Variants in PRIM2 observed in about 807,000 individuals in gnomAD.
The protein encoded by PRIM2 is DNA primase subunit 2.
A neutral mutation model predicts 67.3 loss-of-function variants in PRIM2; 39 were observed. The ratio of observed to expected loss-of-function variants is 0.58; its 90% CI spans 0.45 to 0.76. The LOEUF is 0.76. Among genes scored for constraint, PRIM2 ranks in the 30% least tolerant of loss-of-function variants. The probability of loss-of-function intolerance (pLI) is 0.00; values close to 1 mark genes in which losing one functional copy is unlikely to be tolerated. For synonymous variants in PRIM2, 143 were observed against 198.7 expected (o/e 0.72, Z 2.36); for missense variants, 398 against 598.7 (o/e 0.66, Z 3.50).
At chr6:57,434,941 A>T (rs1771965606) in intron 7 of PRIM2, 1 of 112,740 alleles carries the variant, frequency 8.9e-6, no homozygotes, top group South Asian at 3.6e-4. Flanking sequence ...TACTCAGCTG[A>T]TTTTTGTATT....
chr6:57,622,003 C>T (rs1213760101), intron 12 of PRIM2, among the ~76,000 whole-genome samples: 10,525 of 151,756 alleles, frequency 0.069, 523 homozygotes, highest in East Asian at 0.2. Context: ...CAGGCTGGAG[C>T]GCAGTGGCAT....
chr6:57,323,449 A>G (rs1767730605), intron 3 of PRIM2, among the ~76,000 whole-genome samples: 1 of 152,160 alleles, frequency 6.6e-6, no homozygotes, highest in Admixed American at 6.5e-5. Flanking sequence ...GTTGGTGGGA[A>G]GAAAATAGTG....
intron 7 of PRIM2, among the ~76,000 whole-genome samples, chr6:57,483,619 T>C (rs1404127262): frequency 2.0e-5 from 3 of 152,136 alleles, no homozygotes; most frequent in Non-Finnish European, 4.4e-5. Flanking sequence ...TAATAATGAC[T>C]GTTAATTCAG....
Position 57,645,912 on chromosome 6 carries a change from T to C in PRIM2, c.1300-16T>C. 5 of 1,334,524 alleles carry C rather than the reference T, an allele frequency of 3.7e-6. No homozygotes were observed. The South Asian group carries it at 6.1e-5, about 16-fold the overall frequency. The allele number at this position is 1,334,524 out of a possible 1,614,324, so 82.7% of individuals were successfully genotyped here. ...TTGCCATGCATTAATGCAATATAAA[T>C]TTCCTTCCTTTACAGGTGGATGATT... On this transcript the variant is annotated splice_polypyrimidine_tract_variant and intron_variant, in intron 13 of 13. Coordinates refer to ENST00000615550, the MANE Select transcript of PRIM2 (RefSeq NM_000947.5).
intron 7 of PRIM2, among the ~76,000 whole-genome samples, chr6:57,478,170 T>C (rs1773523536): frequency 6.6e-6 from 1 of 152,212 alleles, no homozygotes; most frequent in African/African-American, 2.4e-5. Flanking sequence ...ATCTGTGTTC[T>C]TGACCTGCTA....
chr6:57,526,515 C>T (rs1554349413), intron 8 of PRIM2, among the ~76,000 whole-genome samples: 100 of 152,168 alleles, frequency 6.6e-4, no homozygotes, highest in African/African-American at 2.4e-3. Context: ...TCAAACATTG[C>T]CCTTTATATT....
the PRIM2 span, among the ~76,000 whole-genome samples, chr6:57,295,440 T>C: frequency 6.6e-6 from 1 of 152,212 alleles, no homozygotes; most frequent in Non-Finnish European, 1.5e-5. Flanking sequence ...TCAATCTACA[T>C]TGATTCTATG....
At chr6:57,384,146 A>C (rs1347136068) in intron 7 of PRIM2, among the ~76,000 whole-genome samples, 3 of 152,136 alleles carry the variant, frequency 2.0e-5, no homozygotes, top group African/African-American at 7.2e-5. Context: ...AATAGTTACC[A>C]TGGGATCAGG....
chr6:57,418,395 T>TG (rs1353693352), intron 7 of PRIM2, among the ~76,000 whole-genome samples: 1 of 116,114 alleles, frequency 8.6e-6, no homozygotes, highest in Non-Finnish European at 1.7e-5. Context: ...TTTTTTTTTT[T>TG]TTTTTTTTTT....
intron 7 of PRIM2, among the ~76,000 whole-genome samples, chr6:57,478,972 C>A (rs1773548662): frequency 1.3e-5 from 2 of 152,128 alleles, no homozygotes; most frequent in African/African-American, 2.4e-5. Flanking sequence ...CATGGAGAAA[C>A]CCCATCTCTA....
chr6:57,391,614 T>G (rs1367178017), intron 7 of PRIM2, among the ~76,000 whole-genome samples: 1 of 152,226 alleles, frequency 6.6e-6, no homozygotes, highest in Non-Finnish European at 1.5e-5. Flanking sequence ...ATTTATTGAA[T>G]AGGGGTTCTT....
At chr6:57,441,797 A>C (rs1161143159) in intron 7 of PRIM2, among the ~76,000 whole-genome samples, 1 of 152,184 alleles carries the variant, frequency 6.6e-6, no homozygotes, top group African/African-American at 2.4e-5. Context: ...TTGCATCTCA[A>C]TTAGTTGGAA....
intron 7 of PRIM2, among the ~76,000 whole-genome samples, chr6:57,442,522 A>C (rs1772233032): frequency 2.6e-5 from 4 of 152,118 alleles, no homozygotes. Context: ...AATTATGGTC[A>C]GGAAGCATTT....
intron 7 of PRIM2, among the ~76,000 whole-genome samples, chr6:57,409,801 C>T (rs555045801): frequency 6.6e-6 from 1 of 152,094 alleles, no homozygotes; most frequent in Non-Finnish European, 1.5e-5. Flanking sequence ...CAAAGTTTTA[C>T]AATTTGATTC....
chr6:57,325,859 A>G, intron 4 of PRIM2, 66 bp from the exon 5 acceptor site: 1 of 1,465,212 alleles, frequency 6.8e-7, no homozygotes, highest in Non-Finnish European at 9.2e-7. Context: ...TGTTTTATAA[A>G]CATTTCTTAG....
chr6:57,387,770 T>C (rs1356051809), intron 7 of PRIM2, among the ~76,000 whole-genome samples: 2 of 151,334 alleles, frequency 1.3e-5, no homozygotes, highest in African/African-American at 4.9e-5. Context: ...TATTTAATGG[T>C]TTATTTTTAA....
intron 10 of PRIM2, among the ~76,000 whole-genome samples, chr6:57,542,878 A>G (rs1261731236): frequency 1.3e-5 from 2 of 150,850 alleles, no homozygotes; most frequent in East Asian, 1.9e-4. Context: ...TAAGTGATAC[A>G]TACAATTAAA....
At position 57,318,487 on chromosome 6, in the gene PRIM2, A is replaced by G; in HGVS notation, c.42A>G (p.Ala14=). ...GAAAGTGGAGGAAGCTGAGGTTGGC[A>G]GGTGACCAGAGGAATGCTTCCTACC... is the stretch of plus-strand genomic sequence containing the variant. ...SGRKWRKLRL[A]GDQRNASYPH... is the part of the protein sequence containing the mutation. The change falls in exon 2 of 14, where the codon GCA becomes GCG. Residue 14 remains alanine (A), a synonymous_variant. Transcript: ENST00000615550. 4 of 1,610,598 alleles carry G rather than the reference A, an allele frequency of 2.5e-6. No homozygotes were observed. Among genetic ancestry groups the G allele is most frequent in the Non-Finnish European group, 3.4e-6 (4 of 1,178,318 alleles).
intron 10 of PRIM2, among the ~76,000 whole-genome samples, chr6:57,575,532 CTG>C (rs1348371050): frequency 6.6e-6 from 1 of 152,140 alleles, no homozygotes; most frequent in African/African-American, 2.4e-5. Flanking sequence ...TTGAGGGACT[CTG>C]TTACTCAGCT....
Sources: gnomAD v4.1 joint callset for allele counts (sites outside exome capture counted in the v4.1 genomes callset) on GRCh38, gnomAD v4.1.1 for gene constraint, MANE v1.5 for transcripts, NCBI Gene and HGNC (gene_info 2026-07-23, HGNC 2026-07-21) for gene names.